The following ERCC4 variants were observed in gnomAD, a reference collection of about 807,000 sequenced individuals.
ERCC4 encodes DNA repair endonuclease XPF.
ERCC4 carries 65 observed loss-of-function variants against 76.9 expected under a neutral mutation model. That is an observed-to-expected ratio of 0.84 (90% CI 0.69 to 1.04). ERCC4 has a LOEUF of 1.04. Among genes scored for constraint, ERCC4 ranks in the 50% least tolerant of loss-of-function variants. The pLI, the probability that ERCC4 is intolerant of heterozygous loss-of-function variation, is 0.00. For synonymous variants in ERCC4, 463 were observed against 410.1 expected (o/e 1.13, Z -1.56); for missense variants, 1,214 against 1,128.2 (o/e 1.08, Z -1.09).
At chr16:13,932,328 G>T (rs2141950065) in intron 6 of ERCC4, 43 bp downstream of exon 6, 6 of 1,571,892 alleles carry the variant, frequency 3.8e-6, no homozygotes, top group Non-Finnish European at 5.2e-6. Flanking sequence ...TTTTATTTCG[G>T]TATTTGGTAT....
rs114795870 is a variant in ERCC4 at position 13,938,967 on chromosome 16, G to A, written c.1904+1109G>A. Among the ~76,000 whole-genome samples the A allele has an allele frequency of 1.0e-2, 1,517 of 152,268 alleles. 30 individuals are homozygous for A. The highest frequency in any genetic ancestry group is 0.034 in the African/African-American group (1,412 of 41,560). ...CCCTCTTTTCCCTTCACATCCTCTC[G>A]AATGGTGATATGCCTTGGCCATGGA... On this transcript the variant is annotated intron_variant, in intron 9 of 10. Coordinates refer to ENST00000311895, the MANE Select transcript of ERCC4 (RefSeq NM_005236.3).
Position 13,932,099 on chromosome 16 carries a change from G to A in ERCC4, c.974-58G>A, listed in dbSNP as rs186917569. ...GTATGTAGGTCATGTGACCATCAGA[G>A]ACTGTTTTAAATTAACCATAAATTG... On this transcript the variant is annotated intron_variant, in intron 5 of 10. Transcript: ENST00000311895. The A allele has an allele frequency of 6.9e-4, 1,005 of 1,461,566 alleles. 1 individual carries two copies. The highest frequency in any genetic ancestry group is 1.2e-3 in the Admixed American group (73 of 59,832). 90.5% of individuals were successfully genotyped at this position (1,461,566 alleles called of 1,614,324 possible).
intron 1 of ERCC4, among the ~76,000 whole-genome samples, chr16:13,921,284 G>C (rs576986674): frequency 1.8e-4 from 28 of 152,298 alleles, no homozygotes; most frequent in African/African-American, 6.3e-4. Flanking sequence ...GTTGGCAAAG[G>C]TTAACTACAG....
rs181178937 is a variant in ERCC4, at chr16:13,951,226, A to C, written c.*2879A>C. 10 of 185,838 alleles carry C rather than the reference A, an allele frequency of 5.4e-5. No individual in the cohort carries two copies. The East Asian group carries it at 7.9e-4, about 15-fold the overall frequency. 11.5% of individuals were successfully genotyped at this position (185,838 alleles called of 1,614,324 possible). A position where few individuals can be genotyped will look rare whatever the true frequency, so the allele number is the denominator to read the frequency against. Reference sequence around the variant, plus strand: ...AGAGATGCATGCAGTTGCAAAATTAATGTATTTATTTTCCAGCATAATTTT... The same window carrying C: ...AGAGATGCATGCAGTTGCAAAATTACTGTATTTATTTTCCAGCATAATTTT... On this transcript the variant is annotated 3_prime_UTR_variant, in exon 11 of 11. Transcript: ENST00000311895.
At chr16:13,922,734 CCT>C in intron 2 of ERCC4, 1 of 347,446 alleles carries the variant, frequency 2.9e-6, no homozygotes, top group Non-Finnish European at 5.5e-6. Context: ...TTGTCTGTCT[CCT>C]CTGCTGAACG....
At chr16:13,938,258 G>A (rs935277670) in intron 9 of ERCC4, among the ~76,000 whole-genome samples, 7 of 152,082 alleles carry the variant, frequency 4.6e-5, no homozygotes, top group Non-Finnish European at 7.4e-5. Context: ...CTGCTTTACC[G>A]TTTATTGGGA....
At chr16:13,926,790 T>G (rs2032081565) in intron 3 of ERCC4, 34 bp downstream of exon 3, 1 of 1,480,532 alleles carries the variant, frequency 6.8e-7, no homozygotes, top group Admixed American at 1.7e-5. Context: ...AATGATGACA[T>G]TATTTGTCAT....
intron 8 of ERCC4, among the ~76,000 whole-genome samples, chr16:13,936,568 A>G (rs564543807): frequency 3.3e-5 from 5 of 152,378 alleles, no homozygotes; most frequent in African/African-American, 1.2e-4. Context: ...TGAGAACAGA[A>G]TAGTGTGGTA....
chr16:13,949,350 C>T lies in ERCC4; in HGVS notation c.*1003C>T, dbSNP rs764425829. The T allele has an allele frequency of 3.4e-5, 8 of 233,448 alleles. No individual in the cohort carries two copies. The highest frequency in any genetic ancestry group is 5.9e-5 in the Non-Finnish European group (7 of 118,266). The allele number at this position is 233,448 out of a possible 1,614,324, so 14.5% of individuals were successfully genotyped here. A position where few individuals can be genotyped will look rare whatever the true frequency, so the allele number is the denominator to read the frequency against. ...AAATACAACCTAATTGGCAGTGAGCCGAGATCGCACCACTGCACCCCTGCC... is the reference window on the plus strand; with the variant it reads ...AAATACAACCTAATTGGCAGTGAGCTGAGATCGCACCACTGCACCCCTGCC... On this transcript the variant is annotated 3_prime_UTR_variant, in exon 11 of 11. Coordinates refer to ENST00000311895, the MANE Select transcript of ERCC4 (RefSeq NM_005236.3).
In ERCC4 at chr16:13,951,889, T is replaced by C. The variant is rs886051681; in HGVS notation, c.*3542T>C. 4.6e-6 allele frequency: 1 copy of C among 219,022 alleles called. No individual in the cohort carries two copies. The highest frequency in any genetic ancestry group is 9.2e-6 in the Non-Finnish European group (1 of 109,072). 13.6% of individuals were successfully genotyped at this position (219,022 alleles called of 1,614,324 possible). Reference sequence around the variant, plus strand: ...AGGTCCTCTTGAAAAACCAACATTTTAGGAAAGTTCTTTTTTCAGGATGGA... The same window carrying C: ...AGGTCCTCTTGAAAAACCAACATTTCAGGAAAGTTCTTTTTTCAGGATGGA... On this transcript the variant is annotated 3_prime_UTR_variant, in exon 11 of 11. Transcript: ENST00000311895.
In ERCC4 at chr16:13,926,749, TGGCCAA is replaced by T. The variant is rs776329282; in HGVS notation, c.580_584+1del. 96 of 1,611,530 alleles carry T rather than the reference TGGCCAA, an allele frequency of 6.0e-5. No homozygotes were observed. Among genetic ancestry groups the T allele is most frequent in the Non-Finnish European group, 6.7e-5 (79 of 1,177,758 alleles). On this transcript the variant is annotated inframe_deletion and splice_region_variant, in exon 3 of 11. Transcript: ENST00000311895. The stretch of plus-strand genomic sequence containing the variant: ...TCTTTTTGTGAGGAAACTGTATCTG[TGGCCAA>T]GGTAAAGAACATTATGTGACAAATA...
intron 9 of ERCC4, among the ~76,000 whole-genome samples, chr16:13,944,257 C>T (rs1177533392): frequency 2.0e-5 from 3 of 152,142 alleles, no homozygotes; most frequent in Non-Finnish European, 4.4e-5. Flanking sequence ...GAGTTTTTAA[C>T]ATCAAAATTC....
Position 13,932,236 on chromosome 16 carries a change from G to T in ERCC4, c.1053G>T (p.Met351Ile). The change falls in exon 6 of 11, where the codon ATG becomes ATT. Residue 351 changes from methionine (M) to isoleucine (I), a missense_variant. Met to Ile is a conservative substitution (Grantham distance 10). Transcript: ENST00000311895. The stretch of plus-strand genomic sequence containing the variant: ...TTTATCATCTTCCAGATGCCAAAAT[G>T]AGTAAAAAAGAAAAAATATCTGAAA... ...ARVYHLPDAK[M>I]SKKEKISEKM... 6.2e-7 allele frequency: 1 copy of T among 1,611,288 alleles called. No individual in the cohort carries two copies. The highest frequency in any genetic ancestry group is 8.5e-7 in the Non-Finnish European group (1 of 1,177,930).
At chr16:13,932,998 A>T (rs2032211136) in intron 6 of ERCC4, 1 of 293,872 alleles carries the variant, frequency 3.4e-6, no homozygotes, top group Non-Finnish European at 6.7e-6. Flanking sequence ...GTGAGCTGAG[A>T]TCACACTACT....
chr16:13,943,173 C>A (rs557571335), intron 9 of ERCC4, among the ~76,000 whole-genome samples: 3 of 152,244 alleles, frequency 2.0e-5, no homozygotes, highest in Non-Finnish European at 4.4e-5. Context: ...TCTAGTGATA[C>A]CCTGCTCTAA....
rs1567246081 is a variant in ERCC4, at chr16:13,932,255, T to G, written c.1072T>G (p.Ser358Ala). 3 of 1,611,094 alleles carry G rather than the reference T, an allele frequency of 1.9e-6. No homozygotes were observed. In the East Asian group the frequency reaches 6.7e-5, roughly 36 times the overall value. The stretch of plus-strand genomic sequence containing the variant: ...CAAAATGAGTAAAAAAGAAAAAATA[T>G]CTGAAAAAATGGAAATTAAAGAAGG... ...DAKMSKKEKI[S>A]EKMEIKEGEE... The change falls in exon 6 of 11, where the codon TCT (serine) becomes GCT (alanine). Residue 358 changes from serine (S) to alanine (A), a missense_variant. Ser to Ala is a moderately conservative substitution (Grantham distance 99, BLOSUM62 1). Transcript: ENST00000311895.
chr16:13,947,911 G>T lies in ERCC4; in HGVS notation c.2315G>T (p.Arg772Leu). 3 of 1,614,032 alleles carry T rather than the reference G, an allele frequency of 1.9e-6. No homozygotes were observed. Among genetic ancestry groups the T allele is most frequent in the Non-Finnish European group, 1.7e-6 (2 of 1,180,020 alleles). ...DPSKPFSLTSRGALFQEISSN... is the reference protein window; with the variant it reads ...DPSKPFSLTSLGALFQEISSN... Reference sequence around the variant, plus strand: ...AGCAAGCCTTTCTCTCTCACTTCCCGAGGTGCCTTGTTTCAGGAGATCTCC... The same window carrying T: ...AGCAAGCCTTTCTCTCTCACTTCCCTAGGTGCCTTGTTTCAGGAGATCTCC... Residue 772 changes from arginine (R) to leucine (L), a missense_variant, in exon 11 of 11, where the codon CGA becomes CTA. Arg to Leu is a moderately radical substitution (Grantham distance 102). Transcript: ENST00000311895.
chr16:13,950,833 G>C lies in ERCC4; in HGVS notation c.*2486G>C, dbSNP rs1036957131. 1 of 194,722 alleles carries C rather than the reference G, an allele frequency of 5.1e-6. No homozygotes were observed. The highest frequency in any genetic ancestry group is 8.1e-5 in the East Asian group (1 of 12,380). The allele number at this position is 194,722 out of a possible 1,614,324, so 12.1% of individuals were successfully genotyped here. ...TTCCAAGTTGAGTTTTCAAAAAAAA[G>C]GTCTTCCTAAAGCTACCATTTTCAA... On this transcript the variant is annotated 3_prime_UTR_variant, in exon 11 of 11. Transcript: ENST00000311895.
At chr16:13,942,338 G>A (rs199567156) in intron 9 of ERCC4, among the ~76,000 whole-genome samples, 2 of 152,012 alleles carry the variant, frequency 1.3e-5, no homozygotes, top group East Asian at 1.9e-4. Flanking sequence ...TCTCACATTC[G>A]ACTTGTAGTT....
Sources: allele counts gnomAD v4.1 joint callset (sites outside exome capture counted in the v4.1 genomes callset), GRCh38; gene constraint gnomAD v4.1.1; transcripts MANE v1.5; gene names NCBI Gene and HGNC (gene_info 2026-07-23, HGNC 2026-07-21).